YWHAB: variants seen among roughly 807,000 people sequenced by gnomAD.
YWHAB encodes the protein tyrosine 3-monooxygenase/tryptophan 5-monooxygenase activation protein beta, also known as 14-3-3 protein beta/alpha.
Under a neutral mutation model 28.5 loss-of-function variants are expected in YWHAB, and 2 were observed. That is an observed-to-expected ratio of 0.07 (90% CI 0.03 to 0.22). The LOEUF (loss-of-function observed/expected upper bound fraction) is 0.22. YWHAB is among the 10% of genes least tolerant of loss of function. The pLI, the probability that YWHAB is intolerant of heterozygous loss-of-function variation, is 1.00. For missense variants in YWHAB, 148 were observed against 297.1 expected, an observed-to-expected ratio of 0.50 and a Z score of 3.69; for synonymous variants, 103 against 104.7, an observed-to-expected ratio of 0.98 and a Z score of 0.10.
intron 1 of YWHAB, among the ~76,000 whole-genome samples, chr20:44,897,155 A>T (rs1158197164): frequency 6.6e-6 from 1 of 152,196 alleles, no homozygotes; most frequent in Non-Finnish European, 1.5e-5. Flanking sequence ...GAGTAGTATG[A>T]TTTAACTTTT....
chr20:44,896,728 G>A (rs1052175736), intron 1 of YWHAB, among the ~76,000 whole-genome samples: 1 of 152,230 alleles, frequency 6.6e-6, no homozygotes, highest in African/African-American at 2.4e-5. Flanking sequence ...GAGATTTATT[G>A]TAGATGTAGA....
intron 1 of YWHAB, among the ~76,000 whole-genome samples, chr20:44,893,524 C>T (rs2066576043): frequency 6.6e-6 from 1 of 151,912 alleles, no homozygotes; most frequent in South Asian, 2.1e-4. Context: ...TTGGTGTAAC[C>T]TTTCTGTTCG....
intron 1 of YWHAB, chr20:44,886,119 C>G (rs906802661): frequency 3.9e-5 from 6 of 152,238 alleles, no homozygotes; most frequent in African/African-American, 1.2e-4. Flanking sequence ...GAGGTCCTGC[C>G]GGCCGGGCGG....
At chr20:44,894,074 G>GC in intron 1 of YWHAB, among the ~76,000 whole-genome samples, 1 of 152,232 alleles carries the variant, frequency 6.6e-6, no homozygotes, top group Admixed American at 6.5e-5. Flanking sequence ...AGCAATCTCT[G>GC]CGTTTATCAA....
In YWHAB at chr20:44,893,404, A is replaced by G. The variant is rs564897068; in HGVS notation, c.-4+7518A>G. Among the ~76,000 whole-genome samples, 3 of 152,312 alleles carry G rather than the reference A, an allele frequency of 2.0e-5. No homozygotes were observed. In the East Asian group the frequency reaches 5.8e-4, roughly 29 times the overall value. On this transcript the variant is annotated intron_variant, in intron 1 of 5. Transcript: ENST00000353703. ...AACACTTTTTTTCTTAAAAAAAGAA[A>G]TAGTACCCAATTTTTAAAAAAGTAA...
At chr20:44,896,797 A>G (rs1448325039) in intron 1 of YWHAB, among the ~76,000 whole-genome samples, 1 of 152,236 alleles carries the variant, frequency 6.6e-6, no homozygotes, top group Admixed American at 6.5e-5. Context: ...GGTGTTGTGT[A>G]ACCCATTTCC....
At chr20:44,899,215 C>T (rs1358037513) in intron 1 of YWHAB, among the ~76,000 whole-genome samples, 2 of 150,874 alleles carry the variant, frequency 1.3e-5, no homozygotes, top group Admixed American at 6.6e-5. Flanking sequence ...CAGTGGGTCA[C>T]GCCTGTAAGT....
intron 1 of YWHAB, chr20:44,887,100 A>G (rs1433585185): frequency 6.6e-6 from 1 of 152,234 alleles, no homozygotes; most frequent in Non-Finnish European, 1.5e-5. Flanking sequence ...TCATTTGGAA[A>G]TGTGTATAAG....
At chr20:44,906,230 C>A in intron 5 of YWHAB, 134 bp downstream of exon 5, 1 of 1,121,784 alleles carries the variant, frequency 8.9e-7, no homozygotes, top group Non-Finnish European at 1.3e-6. Context: ...TTATAAATGA[C>A]TGCTGAAGTT....
chr20:44,901,682 A>G lies in YWHAB; in HGVS notation c.149A>G (p.Tyr50Cys). ...NEERNLLSVA[Y>C]KNVVGARRSS... ...GAGAGAAATCTGCTCTCTGTTGCCTACAAGAATGTGGTAGGCGCCCGCCGC... is the reference window on the plus strand; with the variant it reads ...GAGAGAAATCTGCTCTCTGTTGCCTGCAAGAATGTGGTAGGCGCCCGCCGC... The change falls in exon 2 of 6, where the codon TAC (tyrosine) becomes TGC (cysteine). Residue 50 changes from tyrosine (Y) to cysteine (C), a missense_variant. Coordinates refer to ENST00000353703, the MANE Select transcript of YWHAB (RefSeq NM_139323.4). 6.2e-7 allele frequency: 1 copy of G among 1,613,664 alleles called. No individual in the cohort carries two copies. The highest frequency in any genetic ancestry group is 8.5e-7 in the Non-Finnish European group (1 of 1,179,868).
rs1211531637 is a variant in YWHAB at position 44,901,689 on chromosome 20, T to C, written c.156T>C (p.Asn52=). The change falls in exon 2 of 6, where the codon AAT becomes AAC. Residue 52 remains asparagine (N), a synonymous_variant. Coordinates refer to ENST00000353703, the MANE Select transcript of YWHAB (RefSeq NM_139323.4). ...ERNLLSVAYK[N]VVGARRSSWR... The stretch of plus-strand genomic sequence containing the variant: ...ATCTGCTCTCTGTTGCCTACAAGAA[T>C]GTGGTAGGCGCCCGCCGCTCTTCCT... 1 of 1,613,052 alleles carries C rather than the reference T, an allele frequency of 6.2e-7. No homozygotes were observed. Among genetic ancestry groups the C allele is most frequent in the East Asian group, 2.2e-5 (1 of 44,796 alleles).
Position 44,907,605 on chromosome 20 carries a change from T to A in YWHAB, c.*1167T>A, listed in dbSNP as rs2066666056. 1.3e-5 allele frequency: 2 copies of A among 152,262 alleles called. No homozygotes were observed. Among genetic ancestry groups the A allele is most frequent in the African/African-American group, 4.8e-5 (2 of 41,458 alleles). The allele number at this position is 152,262 out of a possible 1,614,324, so 9.4% of individuals were successfully genotyped here. A position where few individuals can be genotyped will look rare whatever the true frequency, so the allele number is the denominator to read the frequency against. On this transcript the variant is annotated 3_prime_UTR_variant, in exon 6 of 6. Coordinates refer to ENST00000353703, the MANE Select transcript of YWHAB (RefSeq NM_139323.4). ...CCACCATCCTTTTTGACTGTTGACC[T>A]TGGTTTTCTCTTCTAAGTTTCTGTC... is the stretch of plus-strand genomic sequence containing the variant.
intron 1 of YWHAB, among the ~76,000 whole-genome samples, chr20:44,893,694 CTTTTTTTTTT>C (rs3091859): frequency 2.9e-5 from 3 of 103,792 alleles, no homozygotes; most frequent in South Asian, 3.1e-4. Context: ...CCTCCCCTGC[CTTTTTTTTTT>C]TTTTTTTTTT....
intron 2 of YWHAB, 106 bp from the exon 3 acceptor site, chr20:44,903,887 A>T: frequency 1.5e-6 from 2 of 1,353,348 alleles, no homozygotes; most frequent in Non-Finnish European, 2.0e-6. Flanking sequence ...TGTTTTTTTA[A>T]TCTTCCAAAA....
chr20:44,893,100 C>G (rs1236770502), intron 1 of YWHAB, among the ~76,000 whole-genome samples: 3 of 152,068 alleles, frequency 2.0e-5, no homozygotes, highest in African/African-American at 7.2e-5. Flanking sequence ...AGGTAGTCTT[C>G]TTTTTCTTTT....
In YWHAB at chr20:44,906,066, G is replaced by C; in HGVS notation, c.654G>C (p.Leu218=). 1.2e-6 allele frequency: 2 copies of C among 1,613,816 alleles called. No individual in the cohort carries two copies. The highest frequency in any genetic ancestry group is 8.5e-7 in the Non-Finnish European group (1 of 1,179,820). Residue 218 remains leucine (L), a synonymous_variant, in exon 5 of 6, where the codon CTG becomes CTC. Transcript: ENST00000353703. ...AAGAGTCTTATAAAGACAGCACTCTGATCATGCAGTTACTTAGGGACAATC... is the reference window on the plus strand; with the variant it reads ...AAGAGTCTTATAAAGACAGCACTCTCATCATGCAGTTACTTAGGGACAATC... The part of the protein sequence containing the change: ...LNEESYKDST[L]IMQLLRDNLT...
chr20:44,905,759 T>TA, intron 4 of YWHAB: 1 of 401,752 alleles, frequency 2.5e-6, no homozygotes, highest in Non-Finnish European at 4.5e-6. Context: ...TTAGCAGTAA[T>TA]ACTGCTTAGT....
At chr20:44,900,397 G>T (rs922039111) in intron 1 of YWHAB, among the ~76,000 whole-genome samples, 1 of 152,194 alleles carries the variant, frequency 6.6e-6, no homozygotes, top group Non-Finnish European at 1.5e-5. Context: ...CCACTTGTAA[G>T]TAAGTAGCAG....
intron 4 of YWHAB, 106 bp downstream of exon 4, chr20:44,905,237 A>AT (rs2066649455): frequency 3.3e-6 from 4 of 1,199,834 alleles, no homozygotes; most frequent in African/African-American, 3.1e-5. Context: ...TTTTTGAAAG[A>AT]TTTTCTGGGG....
Sources: allele counts gnomAD v4.1 joint callset (sites outside exome capture counted in the v4.1 genomes callset), GRCh38; gene constraint gnomAD v4.1.1; transcripts MANE v1.5; gene names NCBI Gene and HGNC (gene_info 2026-07-23, HGNC 2026-07-21).